The following APLF variants were observed in gnomAD, a reference collection of about 807,000 sequenced individuals.
APLF encodes aprataxin and PNK-like factor.
Under a neutral mutation model 55.6 loss-of-function variants are expected in APLF, and 61 were observed. The observed-to-expected ratio is 1.10, with a 90% CI of 0.89 to 1.36. The LOEUF is 1.36. Among genes scored for constraint, APLF ranks in the 40% most tolerant of loss-of-function variants. The pLI is 0.00. For missense variants in APLF, 611 were observed against 602.5 expected (o/e 1.01, Z -0.15); for synonymous variants, 207 against 214.8 (o/e 0.96, Z 0.32).
chr2:68,529,482 C>G lies in APLF; in HGVS notation c.804+3240C>G, dbSNP rs1397716834. ...TTGTCCATTTTGAGCGAGTTGTGCA[C>G]AGACGAAACTAAGGGTCAGAAGCGG... On this transcript the variant is annotated intron_variant, in intron 6 of 9. Coordinates refer to ENST00000303795, the MANE Select transcript of APLF (RefSeq NM_173545.3). The surrounding 1 kb of genome is among the most constrained non-coding windows in gnomAD (Gnocchi z 4.4). The G allele has an allele frequency of 8.3e-6, 9 of 1,080,904 alleles. No individual in the cohort carries two copies. Among genetic ancestry groups the G allele is most frequent in the Non-Finnish European group, 1.0e-5 (9 of 888,886 alleles). 67.0% of individuals were successfully genotyped at this position (1,080,904 alleles called of 1,614,324 possible).
rs386390398 is a variant in APLF, at chr2:68,525,742, C to CTTTTTT, written c.623-299_623-294dup. Among the ~76,000 whole-genome samples the CTTTTTT allele has an allele frequency of 2.6e-3, 217 of 82,012 alleles. 21 individuals carry two copies. The highest frequency in any genetic ancestry group is 0.012 in the African/African-American group (191 of 16,172). The allele number at this position is 82,012 out of a possible 152,430, so 53.8% of individuals were successfully genotyped here. A position where few individuals can be genotyped will look rare whatever the true frequency, so the allele number is the denominator to read the frequency against. On this transcript the variant is annotated intron_variant, in intron 5 of 9. Transcript: ENST00000303795. The stretch of plus-strand genomic sequence containing the variant: ...TTTATCCTTTTTATTTTCTTTCTTT[C>CTTTTTT]TTTTTTTTTTTTTTTTTTTTTTTTT...
chr2:68,545,407 T>C (rs1179449075), intron 8 of APLF, 95 bp downstream of exon 8: 17 of 1,399,576 alleles, frequency 1.2e-5, no homozygotes, highest in Non-Finnish European at 1.6e-5. Flanking sequence ...CTCAAGCCTT[T>C]TAATTTTCAT....
intron 1 of APLF, among the ~76,000 whole-genome samples, chr2:68,476,339 C>T (rs945502439): frequency 3.9e-5 from 6 of 151,938 alleles, no homozygotes; most frequent in East Asian, 3.9e-4. Context: ...TACAAACAGC[C>T]GGCTGTGGTG....
At chr2:68,469,287 A>T (rs113780446) in intron 1 of APLF, among the ~76,000 whole-genome samples, 3,879 of 152,170 alleles carry the variant, frequency 0.025, 65 homozygotes, top group South Asian at 0.043. Context: ...ACGAGTTTTG[A>T]CTTGCTTAAG....
rs757332939 is a variant in APLF, at chr2:68,502,783, C to T, written c.221C>T (p.Pro74Leu). Residue 74 changes from proline to leucine, a missense_variant, in exon 3 of 10, where the codon CCA (proline) becomes CTA (leucine). Physicochemically the swap from Pro to Leu is moderately conservative, Grantham distance 98. Coordinates refer to ENST00000303795, the MANE Select transcript of APLF (RefSeq NM_173545.3). ...TCTTCAGAGAAGAGTCAGCTCTTAC[C>T]ATTGAAGCCAAATCTATGGTGCTAT... ...YQSSEKSQLL[P>L]LKPNLWCYLN... 1.2e-6 allele frequency: 2 copies of T among 1,603,140 alleles called. No homozygotes were observed. Among genetic ancestry groups the T allele is most frequent in the East Asian group, 4.5e-5 (2 of 44,084 alleles).
intron 6 of APLF, among the ~76,000 whole-genome samples, chr2:68,534,350 G>T (rs995428192): frequency 6.6e-6 from 1 of 152,194 alleles, no homozygotes; most frequent in Non-Finnish European, 1.5e-5. Context: ...GCGTTAGTCA[G>T]TGTTAATGGG....
At chr2:68,496,788 C>T (rs1000955873) in intron 2 of APLF, among the ~76,000 whole-genome samples, 2 of 152,184 alleles carry the variant, frequency 1.3e-5, no homozygotes, top group Non-Finnish European at 2.9e-5. Flanking sequence ...CCGATAAGTT[C>T]CTCATTTCCA....
At chr2:68,489,258 T>A (rs2103905367) in intron 1 of APLF, among the ~76,000 whole-genome samples, 1 of 152,360 alleles carries the variant, frequency 6.6e-6, no homozygotes, top group Admixed American at 6.5e-5. Context: ...ATTGAGTTTA[T>A]GTGTTGGTAT....
intron 5 of APLF, among the ~76,000 whole-genome samples, chr2:68,517,289 AAT>A (rs1301653650): frequency 1.6e-5 from 2 of 122,912 alleles, no homozygotes; most frequent in Non-Finnish European, 3.1e-5. Context: ...ATAATATATT[AAT>A]ATATGTCATT....
At chr2:68,504,711 G>A (rs1195782107) in intron 3 of APLF, among the ~76,000 whole-genome samples, 3 of 151,932 alleles carry the variant, frequency 2.0e-5, no homozygotes, top group Admixed American at 6.6e-5. Flanking sequence ...GATTTGAAAG[G>A]AAGAAGTAAA....
intron 1 of APLF, among the ~76,000 whole-genome samples, chr2:68,469,835 A>T (rs1257566869): frequency 6.6e-6 from 1 of 152,228 alleles, no homozygotes; most frequent in Non-Finnish European, 1.5e-5. Flanking sequence ...CGATTAATAT[A>T]AATAAGGATG....
chr2:68,488,843 C>G (rs1676268609), intron 1 of APLF, among the ~76,000 whole-genome samples: 1 of 152,054 alleles, frequency 6.6e-6, no homozygotes, highest in Non-Finnish European at 1.5e-5. Flanking sequence ...TTTTAGCCTA[C>G]TAAGGTACAA....
chr2:68,521,573 T>G (rs1251708917), intron 5 of APLF, among the ~76,000 whole-genome samples: 6 of 151,976 alleles, frequency 3.9e-5, no homozygotes, highest in Non-Finnish European at 8.8e-5. Context: ...GAGTCTCCTC[T>G]TTCTTGATCT....
At chr2:68,475,971 C>CTT (rs974521437) in intron 1 of APLF, among the ~76,000 whole-genome samples, 1 of 145,066 alleles carries the variant, frequency 6.9e-6, no homozygotes. Context: ...AGATCCCATG[C>CTT]TTTTTTTTTT....
chr2:68,497,107 A>T (rs904243252), intron 2 of APLF, among the ~76,000 whole-genome samples: 7 of 152,182 alleles, frequency 4.6e-5, no homozygotes, highest in African/African-American at 1.7e-4. Context: ...AAGAGGTTTA[A>T]TTGGCTCACA....
chr2:68,569,316 T>A (rs182062581), intron 9 of APLF, among the ~76,000 whole-genome samples: 1 of 152,088 alleles, frequency 6.6e-6, no homozygotes, highest in Non-Finnish European at 1.5e-5. Context: ...TCAGGTAGAC[T>A]TGATATGAGA....
At chr2:68,556,851 C>G (rs1481636092) in intron 8 of APLF, among the ~76,000 whole-genome samples, 1 of 152,134 alleles carries the variant, frequency 6.6e-6, no homozygotes, top group Non-Finnish European at 1.5e-5. Context: ...TATAAGTGCT[C>G]TCAGTGTAAT....
chr2:68,505,589 A>C (rs777569578), intron 3 of APLF, among the ~76,000 whole-genome samples: 14 of 152,034 alleles, frequency 9.2e-5, no homozygotes, highest in Non-Finnish European at 2.1e-4. Flanking sequence ...GGGCTCACAG[A>C]ACTCAGGAAC....
At chr2:68,512,453 T>C (rs901363178) in intron 3 of APLF, among the ~76,000 whole-genome samples, 3 of 151,804 alleles carry the variant, frequency 2.0e-5, no homozygotes, top group Non-Finnish European at 4.4e-5. Context: ...TTGGATCATG[T>C]CTATGCATAC....
Sources: gnomAD v4.1 joint callset for allele counts (sites outside exome capture counted in the v4.1 genomes callset) on GRCh38, gnomAD v4.1.1 for gene constraint, Gnocchi (gnomAD v3.1) non-coding constraint, MANE v1.5 for transcripts, NCBI Gene and HGNC (gene_info 2026-07-23, HGNC 2026-07-21) for gene names.